CFAP299: variants seen among roughly 807,000 people sequenced by gnomAD.
CFAP299 encodes cilia and flagella associated protein 299.
In CFAP299, 21 loss-of-function variants were observed where a neutral mutation model predicts 27.0. The observed-to-expected ratio is 0.78, with a 90% CI of 0.55 to 1.12. The LOEUF (loss-of-function observed/expected upper bound fraction) is 1.12. Ranked by LOEUF, CFAP299 falls within the 50% of genes most tolerant of loss-of-function variation. The probability of loss-of-function intolerance (pLI) is 0.00; values close to 1 mark genes in which losing one functional copy is unlikely to be tolerated. For missense variants in CFAP299, 310 were observed against 276.6 expected (o/e 1.12, Z -0.86); for synonymous variants, 104 against 98.1 (o/e 1.06, Z -0.36).
chr4:80,497,560 T>A (rs1731515189), intron 2 of CFAP299, among the ~76,000 whole-genome samples: 1 of 152,084 alleles, frequency 6.6e-6, no homozygotes, highest in Admixed American at 6.6e-5. Context: ...ATAGTAAAGA[T>A]TGCCTGTGAT....
chr4:80,590,589 A>G (rs1736685300), intron 3 of CFAP299, among the ~76,000 whole-genome samples: 1 of 152,210 alleles, frequency 6.6e-6, no homozygotes, highest in Non-Finnish European at 1.5e-5. Context: ...GTGAGCCGAG[A>G]TCAAGCCACT....
chr4:80,383,932 C>T (rs564637958), intron 2 of CFAP299, among the ~76,000 whole-genome samples: 26 of 152,078 alleles, frequency 1.7e-4, no homozygotes, highest in Non-Finnish European at 3.4e-4. Context: ...GTGCTGTTTT[C>T]AATGTCCACT....
At chr4:80,908,733 A>G (rs1735310991) in intron 4 of CFAP299, among the ~76,000 whole-genome samples, 1 of 152,210 alleles carries the variant, frequency 6.6e-6, no homozygotes, top group South Asian at 2.1e-4. Flanking sequence ...TTGTTAATAG[A>G]TATAAATATT....
intron 3 of CFAP299, among the ~76,000 whole-genome samples, chr4:80,844,034 G>A (rs940152645): frequency 2.6e-5 from 4 of 152,100 alleles, no homozygotes; most frequent in African/African-American, 9.7e-5. Flanking sequence ...ATAGTTTGCT[G>A]AGAATGATGG....
intron 3 of CFAP299, among the ~76,000 whole-genome samples, chr4:80,701,758 T>C (rs922494923): frequency 1.3e-5 from 2 of 151,982 alleles, no homozygotes; most frequent in Non-Finnish European, 2.9e-5. Context: ...TGGAAAAAAA[T>C]CCCTATTGAT....
chr4:80,888,680 C>T (rs2110183484), intron 4 of CFAP299, among the ~76,000 whole-genome samples: 1 of 152,094 alleles, frequency 6.6e-6, no homozygotes, highest in South Asian at 2.1e-4. Flanking sequence ...TTCTTCTCCT[C>T]CTCTCATGGA....
At chr4:80,838,968 G>T (rs1730717472) in intron 3 of CFAP299, among the ~76,000 whole-genome samples, 2 of 152,102 alleles carry the variant, frequency 1.3e-5, no homozygotes, top group Admixed American at 6.6e-5. Context: ...AGCCTGGACT[G>T]ATCGTCCTAG....
At chr4:80,646,190 C>T (rs762947200) in intron 3 of CFAP299, among the ~76,000 whole-genome samples, 4 of 152,086 alleles carry the variant, frequency 2.6e-5, no homozygotes, top group East Asian at 3.9e-4. Flanking sequence ...GGTGCAAATG[C>T]GTGTGTTCTA....
intron 3 of CFAP299, among the ~76,000 whole-genome samples, chr4:80,799,361 A>G (rs1252373660): frequency 1.0e-5 from 1 of 99,250 alleles, no homozygotes; most frequent in South Asian, 3.0e-4. Context: ...GTATTTATAT[A>G]ATATTTATAT....
intron 3 of CFAP299, among the ~76,000 whole-genome samples, chr4:80,588,129 A>T (rs1276227985): frequency 2.6e-5 from 4 of 151,140 alleles, no homozygotes; most frequent in Non-Finnish European, 5.9e-5. Context: ...CGGCAAGGTG[A>T]ATTTGCTTGT....
chr4:80,335,832 G>GTT lies in CFAP299; in HGVS notation c.64_65insTT (p.Asp22ValfsTer28). ...TGTCACTCAATTCAACGCCTATGAA[G>GTT]ATTTCCTGGACTCGCAGATCACTAC... On this transcript the variant is annotated frameshift_variant, in exon 1 of 6. Coordinates refer to ENST00000358105, the MANE Select transcript of CFAP299 (RefSeq NM_152770.3). LOFTEE classifies it high-confidence loss of function. The GTT allele has an allele frequency of 1.9e-6, 3 of 1,613,916 alleles. No homozygotes were observed. The highest frequency in any genetic ancestry group is 2.5e-6 in the Non-Finnish European group (3 of 1,179,756).
chr4:80,797,177 A>G (rs1477709114), intron 3 of CFAP299, among the ~76,000 whole-genome samples: 1 of 152,130 alleles, frequency 6.6e-6, no homozygotes, highest in Non-Finnish European at 1.5e-5. Context: ...CTCTGGCAAA[A>G]GTCTGAAGGT....
intron 4 of CFAP299, among the ~76,000 whole-genome samples, chr4:80,906,903 T>A (rs888127848): frequency 1.8e-4 from 27 of 152,148 alleles, no homozygotes; most frequent in Admixed American, 2.0e-4. Context: ...ATTTTCCCCA[T>A]TGTCTTGGTA....
At chr4:80,498,860 G>T (rs1325974893) in intron 2 of CFAP299, among the ~76,000 whole-genome samples, 1 of 152,098 alleles carries the variant, frequency 6.6e-6, no homozygotes, top group Non-Finnish European at 1.5e-5. Context: ...ATCATCAATA[G>T]TGGACAGAAT....
intron 3 of CFAP299, among the ~76,000 whole-genome samples, chr4:80,602,393 AT>A (rs1466152441): frequency 6.6e-6 from 1 of 152,128 alleles, no homozygotes; most frequent in Non-Finnish European, 1.5e-5. Context: ...AATAAAATTA[AT>A]TTAAAAAAGT....
chr4:80,621,926 A>C (rs1476912651), intron 3 of CFAP299, among the ~76,000 whole-genome samples: 2 of 151,960 alleles, frequency 1.3e-5, no homozygotes, highest in Non-Finnish European at 2.9e-5. Flanking sequence ...AAAACAAACT[A>C]TTGTGGGTAG....
chr4:80,329,208 C>CACACATATATATATATATATAT, the CFAP299 span, among the ~76,000 whole-genome samples: 326 of 135,966 alleles, frequency 2.4e-3, 1 homozygote, highest in African/African-American at 9.0e-3. Context: ...ACACTGTATA[C>CACACATATATATATATATATAT]ATATATATAT....
intron 2 of CFAP299, 128 bp downstream of exon 2, chr4:80,363,012 A>C: frequency 9.6e-7 from 1 of 1,043,984 alleles, no homozygotes; most frequent in East Asian, 2.9e-5. Context: ...TATCCTAAGC[A>C]TTTGTTCTGC....
At chr4:80,727,515 A>G (rs1723229450) in intron 3 of CFAP299, among the ~76,000 whole-genome samples, 1 of 152,124 alleles carries the variant, frequency 6.6e-6, no homozygotes. Context: ...GAGCCAGACT[A>G]GCTGAATTCA....
Sources: gnomAD v4.1 joint callset for allele counts (sites outside exome capture counted in the v4.1 genomes callset) on GRCh38, gnomAD v4.1.1 for gene constraint, MANE v1.5 for transcripts, NCBI Gene and HGNC (gene_info 2026-07-23, HGNC 2026-07-21) for gene names.